The following ARIH1 variants were observed in gnomAD, a reference collection of about 807,000 sequenced individuals.
ARIH1 encodes ariadne RBR E3 ubiquitin protein ligase 1.
In ARIH1, 8 loss-of-function variants were observed where a neutral mutation model predicts 85.0. The ratio of observed to expected loss-of-function variants is 0.09; its 90% CI spans 0.06 to 0.17. The LOEUF (loss-of-function observed/expected upper bound fraction) is 0.17, where lower values mean the gene tolerates loss of function less well. ARIH1 is among the 10% of genes least tolerant of loss of function. ARIH1 has a pLI of 1.00. For missense variants in ARIH1, 311 were observed against 718.1 expected, an observed-to-expected ratio of 0.43 and a Z score of 6.48; for synonymous variants, 238 against 253.6, an observed-to-expected ratio of 0.94 and a Z score of 0.59.
intron 9 of ARIH1, among the ~76,000 whole-genome samples, chr15:72,568,317 G>A (rs2064229747): frequency 6.6e-6 from 1 of 152,072 alleles, no homozygotes; most frequent in East Asian, 1.9e-4. Context: ...CACAAGAAAT[G>A]TTCCTTAAGT....
intron 1 of ARIH1, among the ~76,000 whole-genome samples, chr15:72,494,500 A>G (rs970484680): frequency 2.0e-5 from 3 of 152,178 alleles, no homozygotes; most frequent in African/African-American, 7.2e-5. Flanking sequence ...AATATTGCTG[A>G]AATTACTGGG....
In ARIH1 at chr15:72,591,365, T is replaced by C. The variant is rs1042522165; in HGVS notation, c.*8073T>C. 3.9e-5 allele frequency: 6 copies of C among 152,212 alleles called. No homozygotes were observed. Among genetic ancestry groups the C allele is most frequent in the Admixed American group, 3.9e-4 (6 of 15,280 alleles). 9.4% of individuals were successfully genotyped at this position (152,212 alleles called of 1,614,324 possible). A position where few individuals can be genotyped will look rare whatever the true frequency, so the allele number is the denominator to read the frequency against. On this transcript the variant is annotated 3_prime_UTR_variant, in exon 14 of 14. Coordinates refer to ENST00000379887, the MANE Select transcript of ARIH1 (RefSeq NM_005744.5). ...TTCCTTCTGATAGCTAAAATTTGTT[T>C]CTGTATAACAGAGTAGTGCCCTATA...
chr15:72,515,194 G>A (rs2063969735), intron 1 of ARIH1, among the ~76,000 whole-genome samples: 1 of 151,684 alleles, frequency 6.6e-6, no homozygotes, highest in Non-Finnish European at 1.5e-5. Context: ...AAAATTAGAC[G>A]GGCATGGTGG....
At chr15:72,570,147 T>C (rs1404324660) in intron 9 of ARIH1, 30 bp from the exon 10 acceptor site, 4 of 1,611,790 alleles carry the variant, frequency 2.5e-6, no homozygotes, top group Admixed American at 1.7e-5. Flanking sequence ...AGTGTAGCAT[T>C]GACACCAACT....
At chr15:72,502,661 C>G (rs1039387646) in intron 1 of ARIH1, among the ~76,000 whole-genome samples, 2 of 152,084 alleles carry the variant, frequency 1.3e-5, no homozygotes, top group African/African-American at 2.4e-5. Flanking sequence ...AAAAAATTAG[C>G]CTGGCATCGT....
chr15:72,494,873 C>G (rs146265512), intron 1 of ARIH1, among the ~76,000 whole-genome samples: 3 of 151,370 alleles, frequency 2.0e-5, no homozygotes, highest in Admixed American at 6.6e-5. Context: ...TCATTTAGAA[C>G]CACATTCAGT....
At chr15:72,482,687 C>G (rs2063820971) in intron 1 of ARIH1, among the ~76,000 whole-genome samples, 1 of 151,826 alleles carries the variant, frequency 6.6e-6, no homozygotes, top group Admixed American at 6.6e-5. Context: ...TTATGTTACC[C>G]CAAAACTTAG....
At chr15:72,545,820 C>G (rs145531526) in intron 3 of ARIH1, among the ~76,000 whole-genome samples, 1 of 152,198 alleles carries the variant, frequency 6.6e-6, no homozygotes, top group Non-Finnish European at 1.5e-5. Flanking sequence ...CAGAGTGAGA[C>G]TCCGTCTCAA....
intron 1 of ARIH1, among the ~76,000 whole-genome samples, chr15:72,480,219 G>C (rs534541111): frequency 6.6e-6 from 1 of 151,518 alleles, no homozygotes; most frequent in South Asian, 2.1e-4. Flanking sequence ...GTCAGTTATA[G>C]CCCTGGTTTT....
chr15:72,590,954 G>A lies in ARIH1; in HGVS notation c.*7662G>A, dbSNP rs1011678793. The A allele has an allele frequency of 1.3e-5, 2 of 152,054 alleles. No individual in the cohort carries two copies. Among genetic ancestry groups the A allele is most frequent in the Middle Eastern group, 3.1e-3 (1 of 318 alleles). The allele number at this position is 152,054 out of a possible 1,614,324, so 9.4% of individuals were successfully genotyped here. ...AATATAAAACAAGGCTGGGCATGGC[G>A]GCTTACACCTTGTAATCCCAGCACT... On this transcript the variant is annotated 3_prime_UTR_variant, in exon 14 of 14. Transcript: ENST00000379887.
At chr15:72,494,908 T>C (rs928400930) in intron 1 of ARIH1, among the ~76,000 whole-genome samples, 1 of 152,184 alleles carries the variant, frequency 6.6e-6, no homozygotes, top group Admixed American at 6.5e-5. Context: ...TTACCAGCTC[T>C]GTGACTTCGT....
chr15:72,574,582 G>A (rs961867625), intron 11 of ARIH1, among the ~76,000 whole-genome samples: 44 of 152,330 alleles, frequency 2.9e-4, no homozygotes, highest in African/African-American at 2.4e-4. Flanking sequence ...CCACAGTGCC[G>A]ACAGTTGTGG....
intron 11 of ARIH1, among the ~76,000 whole-genome samples, chr15:72,573,960 A>G (rs183912356): frequency 2.0e-5 from 3 of 152,304 alleles, no homozygotes; most frequent in Non-Finnish European, 4.4e-5. Context: ...ATATATTTCT[A>G]TATTTCCAAC....
At chr15:72,513,449 C>T (rs2140408176) in intron 1 of ARIH1, among the ~76,000 whole-genome samples, 1 of 152,194 alleles carries the variant, frequency 6.6e-6, no homozygotes, top group Non-Finnish European at 1.5e-5. Flanking sequence ...TGTCTAGAAA[C>T]ATTTAACTCT....
intron 1 of ARIH1, among the ~76,000 whole-genome samples, chr15:72,513,220 C>G (rs1427106794): frequency 6.6e-6 from 1 of 152,076 alleles, no homozygotes; most frequent in Non-Finnish European, 1.5e-5. Flanking sequence ...TTTGTTCCTC[C>G]TTTTTCTGCC....
intron 5 of ARIH1, among the ~76,000 whole-genome samples, chr15:72,560,058 C>G (rs2064191404): frequency 6.6e-6 from 1 of 152,054 alleles, no homozygotes; most frequent in Non-Finnish European, 1.5e-5. Context: ...TTTGAGGAAC[C>G]ATCAAATACA....
intron 2 of ARIH1, among the ~76,000 whole-genome samples, chr15:72,524,583 A>G (rs1474045538): frequency 2.0e-5 from 3 of 152,218 alleles, no homozygotes; most frequent in African/African-American, 7.2e-5. Context: ...AAGTAGAAAA[A>G]TAGAGTAAAC....
chr15:72,488,090 C>T (rs2063844384), intron 1 of ARIH1, among the ~76,000 whole-genome samples: 1 of 152,144 alleles, frequency 6.6e-6, no homozygotes, highest in Non-Finnish European at 1.5e-5. Context: ...GGCTGGAGTG[C>T]AGTGGCACGA....
chr15:72,504,378 A>C (rs2063916180), intron 1 of ARIH1, among the ~76,000 whole-genome samples: 1 of 152,096 alleles, frequency 6.6e-6, no homozygotes, highest in Non-Finnish European at 1.5e-5. Context: ...GGGTACCTGC[A>C]CTTGGTGGGT....
Sources: gnomAD v4.1 joint callset for allele counts (sites outside exome capture counted in the v4.1 genomes callset) on GRCh38, gnomAD v4.1.1 for gene constraint, MANE v1.5 for transcripts, NCBI Gene and HGNC (gene_info 2026-07-23, HGNC 2026-07-21) for gene names.